Variants in TEF observed in about 807,000 individuals in gnomAD.
TEF encodes the protein TEF transcription factor, PAR bZIP family member.
In TEF, 3 loss-of-function variants were observed where a neutral mutation model predicts 20.8. The observed-to-expected ratio is 0.14, with a 90% CI of 0.07 to 0.37. The LOEUF is 0.37. Among genes scored for constraint, TEF ranks in the 10% least tolerant of loss-of-function variants. The pLI is 1.00. For missense variants in TEF, 296 were observed against 397.9 expected, an observed-to-expected ratio of 0.74 and a Z score of 2.18; for synonymous variants, 180 against 171.1, an observed-to-expected ratio of 1.05 and a Z score of -0.41.
At chr22:41,390,471 G>A in intron 2 of TEF, among the ~76,000 whole-genome samples, 1 of 141,190 alleles carries the variant, frequency 7.1e-6, no homozygotes, top group Non-Finnish European at 1.5e-5. Context: ...TTCCAGCAAA[G>A]TCATTTTAAG....
At chr22:41,378,433 C>T (rs562408928), upstream of TEF, among the ~76,000 whole-genome samples, 68 of 151,354 alleles carry the variant, frequency 4.5e-4, no homozygotes, top group Non-Finnish European at 7.8e-4. Flanking sequence ...GCAAGCTCCG[C>T]CTCCCGGGTT....
chr22:41,396,829 G>A lies in TEF; in HGVS notation c.*869G>A, dbSNP rs1040345955. 2.5e-6 allele frequency: 1 copy of A among 397,618 alleles called. No individual in the cohort carries two copies. Among genetic ancestry groups the A allele is most frequent in the Non-Finnish European group, 4.4e-6 (1 of 225,862 alleles). The allele number at this position is 397,618 out of a possible 1,614,324, so 24.6% of individuals were successfully genotyped here. ...TCTTTCCACCCAATGTCCAGTCTTGGATCATAGATTTAAAAGGAAAACCCC... is the reference window on the plus strand; with the variant it reads ...TCTTTCCACCCAATGTCCAGTCTTGAATCATAGATTTAAAAGGAAAACCCC... On this transcript the variant is annotated 3_prime_UTR_variant, in exon 4 of 4. Coordinates refer to ENST00000266304, the MANE Select transcript of TEF (RefSeq NM_003216.4).
At chr22:41,381,697 G>A (rs1464818256), upstream of TEF, among the ~76,000 whole-genome samples, 4 of 152,188 alleles carry the variant, frequency 2.6e-5, no homozygotes, top group South Asian at 4.1e-4. Flanking sequence ...GCCAATCAGG[G>A]GACACAGGGG....
chr22:41,368,456 G>A (rs1601807743), intron 1 of TEF, among the ~76,000 whole-genome samples: 1 of 152,122 alleles, frequency 6.6e-6, no homozygotes, highest in African/African-American at 2.4e-5. Context: ...CTGCTACCTA[G>A]CATCACCAGG....
chr22:41,387,983 C>CTTTTTTTTTTTTTTTTTTT (rs530707936), intron 2 of TEF, among the ~76,000 whole-genome samples: 1 of 50,078 alleles, frequency 2.0e-5, no homozygotes, highest in Non-Finnish European at 3.5e-5. Context: ...CAATGCTGCT[C>CTTTTTTTTTTTTTTTTTTT]TTTTTTTTTT....
At chr22:41,387,289 C>A in intron 1 of TEF, 62 bp from the exon 2 acceptor site, 1 of 1,574,772 alleles carries the variant, frequency 6.4e-7, no homozygotes, top group Non-Finnish European at 8.7e-7. Flanking sequence ...GGCTCACTGC[C>A]CACTTCCTGG....
At chr22:41,382,467 G>A (rs1257536114) in intron 1 of TEF, among the ~76,000 whole-genome samples, 1 of 151,420 alleles carries the variant, frequency 6.6e-6, no homozygotes, top group Non-Finnish European at 1.5e-5. Context: ...TCACTTAAAT[G>A]ACGCTCCAGG....
At chr22:41,374,793 G>T (rs1319862299) in intron 1 of TEF, among the ~76,000 whole-genome samples, 1 of 152,110 alleles carries the variant, frequency 6.6e-6, no homozygotes, top group Non-Finnish European at 1.5e-5. Flanking sequence ...CTTCAGCCTT[G>T]TCTCCATATT....
intron 1 of TEF, among the ~76,000 whole-genome samples, chr22:41,369,382 G>T (rs531558166): frequency 3.3e-5 from 5 of 152,316 alleles, no homozygotes; most frequent in African/African-American, 1.2e-4. Flanking sequence ...AGCATGGCTG[G>T]GCAGGTCCAA....
rs1447694198 is a variant in TEF at position 41,396,812 on chromosome 22, C to T, written c.*852C>T. ...CCTCTGGGCCTGCTCTTTCTTTCCA[C>T]CCAATGTCCAGTCTTGGATCATAGA... On this transcript the variant is annotated 3_prime_UTR_variant, in exon 4 of 4. Transcript: ENST00000266304. 2 of 397,120 alleles carry T rather than the reference C, an allele frequency of 5.0e-6. No individual in the cohort carries two copies. Among genetic ancestry groups the T allele is most frequent in the African/African-American group, 4.1e-5 (2 of 48,578 alleles). 24.6% of individuals were successfully genotyped at this position (397,120 alleles called of 1,614,324 possible). A position where few individuals can be genotyped will look rare whatever the true frequency, so the allele number is the denominator to read the frequency against.
At chr22:41,372,949 G>A (rs1319713050) in intron 1 of TEF, among the ~76,000 whole-genome samples, 8 of 152,108 alleles carry the variant, frequency 5.3e-5, no homozygotes, top group Non-Finnish European at 1.0e-4. Context: ...AGGCCACCAT[G>A]GCTGCAGAAA....
intron 2 of TEF, 109 bp from the exon 3 acceptor site, chr22:41,393,987 C>A: frequency 2.2e-6 from 2 of 929,416 alleles, no homozygotes; most frequent in Admixed American, 2.5e-5. Flanking sequence ...TCTCCCCAGG[C>A]GGCAGTGGCT....
upstream of TEF, among the ~76,000 whole-genome samples, chr22:41,378,165 CTTTTTTT>C (rs1227353344): frequency 1.1e-5 from 1 of 89,468 alleles, no homozygotes; most frequent in African/African-American, 4.2e-5. Flanking sequence ...CCTTAGCTTC[CTTTTTTT>C]TTTTTTTTTT....
intron 3 of TEF, among the ~76,000 whole-genome samples, chr22:41,394,627 G>A (rs1027356979): frequency 6.6e-6 from 1 of 152,220 alleles, no homozygotes; most frequent in Non-Finnish European, 1.5e-5. Context: ...CAGGAACTGG[G>A]GTTGAAAAAG....
chr22:41,393,345 A>C (rs1224720893), intron 2 of TEF, among the ~76,000 whole-genome samples: 1 of 151,686 alleles, frequency 6.6e-6, no homozygotes, highest in Non-Finnish European at 1.5e-5. Flanking sequence ...TGTCTCAAAA[A>C]AAAAAAAAAA....
chr22:41,389,453 C>G (rs1207132252), intron 2 of TEF, among the ~76,000 whole-genome samples: 1 of 151,200 alleles, frequency 6.6e-6, no homozygotes, highest in African/African-American at 2.4e-5. Context: ...AACCTCGACT[C>G]TACTAAAAAT....
chr22:41,373,766 AC>A (rs2036909472), intron 1 of TEF, among the ~76,000 whole-genome samples: 2 of 136,082 alleles, frequency 1.5e-5, no homozygotes, highest in Non-Finnish European at 3.2e-5. Flanking sequence ...CCACGCCCGG[AC>A]TTTTTTTTTT....
chr22:41,373,488 T>C (rs80153552), intron 1 of TEF, among the ~76,000 whole-genome samples: 1 of 152,076 alleles, frequency 6.6e-6, no homozygotes, highest in South Asian at 2.1e-4. Context: ...CTTTTTTTTT[T>C]AGACGGAGTC....
chr22:41,369,872 C>T (rs770620230), intron 1 of TEF: 8 of 984,318 alleles, frequency 8.1e-6, no homozygotes, highest in Non-Finnish European at 7.2e-6. Flanking sequence ...CTGCTGCTCC[C>T]GTCCAGTGGA....
Sources: allele counts gnomAD v4.1 joint callset (sites outside exome capture counted in the v4.1 genomes callset), GRCh38; gene constraint gnomAD v4.1.1; transcripts MANE v1.5; gene names NCBI Gene and HGNC (gene_info 2026-07-23, HGNC 2026-07-21).